Variants in RIT2 observed in about 807,000 individuals in gnomAD.
The protein encoded by RIT2 is Ras like without CAAX 2, also known as GTP-binding protein Rit2.
Under a neutral mutation model 23.7 loss-of-function variants are expected in RIT2, and 24 were observed. The observed-to-expected ratio is 1.01, with a 90% CI of 0.73 to 1.43. The LOEUF is 1.43. Ranked by LOEUF, RIT2 falls within the 40% of genes most tolerant of loss-of-function variation. RIT2 has a pLI of 0.00. For synonymous variants in RIT2, 107 were observed against 91.1 expected, an observed-to-expected ratio of 1.17 and a Z score of -0.99; for missense variants, 236 against 266.9, an observed-to-expected ratio of 0.88 and a Z score of 0.81.
intron 1 of RIT2, among the ~76,000 whole-genome samples, chr18:43,035,126 C>G (rs534632406): frequency 6.6e-6 from 1 of 152,304 alleles, no homozygotes; most frequent in South Asian, 2.1e-4. Context: ...TTACATTCAA[C>G]AAACATGTGG....
At chr18:43,069,412 G>A (rs62092703) in intron 1 of RIT2, among the ~76,000 whole-genome samples, 37,995 of 151,930 alleles carry the variant, frequency 0.25, 4,849 homozygotes, top group South Asian at 0.32. Context: ...TTTGGGATCT[G>A]GATCGGAACC....
intron 1 of RIT2, among the ~76,000 whole-genome samples, chr18:43,105,310 G>T (rs145881849): frequency 6.6e-6 from 1 of 151,980 alleles, no homozygotes. Flanking sequence ...AATAGAGCAG[G>T]TGCATATACA....
chr18:42,749,546 T>A (rs1374589338), intron 4 of RIT2, among the ~76,000 whole-genome samples: 1 of 151,702 alleles, frequency 6.6e-6, no homozygotes, highest in Non-Finnish European at 1.5e-5. Flanking sequence ...TATAAAGATG[T>A]CAAAATTTAT....
intron 4 of RIT2, among the ~76,000 whole-genome samples, chr18:42,774,482 T>TA (rs199664877): frequency 0.013 from 1,933 of 150,674 alleles, 55 homozygotes; most frequent in African/African-American, 0.044. Flanking sequence ...TGTCCTCAGA[T>TA]AAAAAAAAAG....
At chr18:42,910,851 C>T (rs1178492884) in intron 4 of RIT2, among the ~76,000 whole-genome samples, 4 of 151,980 alleles carry the variant, frequency 2.6e-5, no homozygotes, top group African/African-American at 4.8e-5. Flanking sequence ...GAAAGAAATC[C>T]GTAATTATAA....
chr18:42,976,079 T>A (rs973693664), intron 2 of RIT2, among the ~76,000 whole-genome samples: 2 of 152,076 alleles, frequency 1.3e-5, no homozygotes, highest in Non-Finnish European at 2.9e-5. Context: ...ATGTTGTAAA[T>A]CTTTCCGTTT....
At chr18:42,747,256 C>T (rs1406795599) in intron 4 of RIT2, among the ~76,000 whole-genome samples, 1 of 151,824 alleles carries the variant, frequency 6.6e-6, no homozygotes, top group Non-Finnish European at 1.5e-5. Flanking sequence ...CCAACAGCGA[C>T]CAAGCTGATA....
At chr18:42,972,700 C>G (rs778341778) in intron 3 of RIT2, among the ~76,000 whole-genome samples, 1 of 151,728 alleles carries the variant, frequency 6.6e-6, no homozygotes, top group Non-Finnish European at 1.5e-5. Context: ...TTACCACATT[C>G]TAAGCCACAA....
chr18:43,016,063 T>C (rs1231988020), intron 2 of RIT2, among the ~76,000 whole-genome samples: 2 of 151,792 alleles, frequency 1.3e-5, no homozygotes, highest in East Asian at 1.9e-4. Context: ...GGAAAATAAA[T>C]ACATTTTTAA....
At chr18:43,011,033 T>C (rs1329564166) in intron 2 of RIT2, among the ~76,000 whole-genome samples, 1 of 151,836 alleles carries the variant, frequency 6.6e-6, no homozygotes, top group Non-Finnish European at 1.5e-5. Flanking sequence ...CGGTTAATGA[T>C]AAATGTTATA....
intron 4 of RIT2, chr18:42,923,356 G>T (rs1435109575): frequency 3.8e-6 from 2 of 531,120 alleles, no homozygotes; most frequent in Non-Finnish European, 6.7e-6. Context: ...TAGGGGATAG[G>T]GCACTAGTAA....
chr18:42,775,102 A>G (rs1913636915), intron 4 of RIT2, among the ~76,000 whole-genome samples: 7 of 152,202 alleles, frequency 4.6e-5, no homozygotes, highest in Admixed American at 4.6e-4. Context: ...CAACATAACA[A>G]AAGTTTCTTA....
intron 4 of RIT2, among the ~76,000 whole-genome samples, chr18:42,828,804 G>A (rs1203795235): frequency 1.3e-5 from 2 of 152,196 alleles, no homozygotes; most frequent in African/African-American, 4.8e-5. Context: ...GCCTTATCAT[G>A]CTTCTCTTGT....
intron 1 of RIT2, among the ~76,000 whole-genome samples, chr18:43,081,974 C>A (rs546741583): frequency 1.4e-4 from 22 of 152,158 alleles, no homozygotes; most frequent in African/African-American, 5.1e-4. Context: ...AGGCTAAACA[C>A]AGGTTACTCT....
At chr18:42,813,316 T>C (rs1230996299) in intron 4 of RIT2, among the ~76,000 whole-genome samples, 1 of 152,156 alleles carries the variant, frequency 6.6e-6, no homozygotes, top group African/African-American at 2.4e-5. Context: ...TTGAAAGAAT[T>C]CCAATAATAG....
At chr18:42,745,964 A>T (rs902127202) in intron 4 of RIT2, among the ~76,000 whole-genome samples, 4 of 152,002 alleles carry the variant, frequency 2.6e-5, no homozygotes, top group African/African-American at 9.7e-5. Context: ...GCTTGCAAAT[A>T]TTTTTTGTTT....
At chr18:42,967,501 C>G (rs1910258825) in intron 3 of RIT2, among the ~76,000 whole-genome samples, 1 of 146,326 alleles carries the variant, frequency 6.8e-6, no homozygotes, top group Non-Finnish European at 1.5e-5. Context: ...TCCTGAGTAG[C>G]TGGTATTACA....
At chr18:42,778,591 T>C (rs372292297) in intron 4 of RIT2, among the ~76,000 whole-genome samples, 38 of 152,216 alleles carry the variant, frequency 2.5e-4, no homozygotes, top group African/African-American at 9.2e-4. Context: ...TAGAAGTCAT[T>C]CTATTGTTCA....
At chr18:42,803,049 C>A (rs1905586268) in intron 4 of RIT2, among the ~76,000 whole-genome samples, 1 of 152,108 alleles carries the variant, frequency 6.6e-6, no homozygotes, top group South Asian at 2.1e-4. Flanking sequence ...AAGTTGGAGA[C>A]AATAGTGTCA....
Sources: gnomAD v4.1 joint callset for allele counts (sites outside exome capture counted in the v4.1 genomes callset) on GRCh38, gnomAD v4.1.1 for gene constraint, MANE v1.5 for transcripts, NCBI Gene and HGNC (gene_info 2026-07-23, HGNC 2026-07-21) for gene names.